BMS1: variants seen among roughly 807,000 people sequenced by gnomAD.
The protein encoded by BMS1 is BMS1 ribosome biogenesis factor.
A neutral mutation model predicts 138.7 loss-of-function variants in BMS1; 53 were observed. The observed-to-expected ratio is 0.38, with a 90% CI of 0.31 to 0.48. The LOEUF (loss-of-function observed/expected upper bound fraction) is 0.48, where lower values mean the gene tolerates loss of function less well. Ranked by LOEUF, BMS1 falls within the 20% of genes least tolerant of loss-of-function variation. The pLI, the probability that BMS1 is intolerant of heterozygous loss-of-function variation, is 0.97. For missense variants in BMS1, 1,360 were observed against 1,565.5 expected, an observed-to-expected ratio of 0.87 and a Z score of 2.22; for synonymous variants, 504 against 539.9, an observed-to-expected ratio of 0.93 and a Z score of 0.92.
At chr10:42,807,229 A>G (rs1227095962) in intron 13 of BMS1, among the ~76,000 whole-genome samples, 2 of 152,236 alleles carry the variant, frequency 1.3e-5, no homozygotes, top group African/African-American at 2.4e-5. Context: ...CTTGTGAACC[A>G]TAATGTGTTT....
chr10:42,798,526 T>C lies in BMS1; in HGVS notation c.2148T>C (p.Phe716=). ...CTCTAGAAGAGCTTGGAGGGTTGTT[T>C]CGTGTCAACCAGCCTGACAGAGAGT... is the stretch of plus-strand genomic sequence containing the variant. ...DDTLEELGGL[F]RVNQPDRECK... Residue 716 remains phenylalanine (F), a synonymous_variant, in exon 12 of 23, where the codon TTT becomes TTC. Transcript: ENST00000374518. 6.2e-7 allele frequency: 1 copy of C among 1,614,274 alleles called. No individual in the cohort carries two copies. Among genetic ancestry groups the C allele is most frequent in the Non-Finnish European group, 8.5e-7 (1 of 1,180,054 alleles).
In BMS1 at chr10:42,796,765, C is replaced by T. The variant is rs982289744; in HGVS notation, c.1521C>T (p.Asp507=). Residue 507 remains aspartate, a synonymous_variant, in exon 10 of 23, where the codon GAC becomes GAT. Transcript: ENST00000374518. The part of the protein sequence containing the change: ...DLPAFADSDD[D]LERSSAEEGE... ...CAGCATTTGCTGACAGTGACGATGA[C>T]CTTGAGAGGAGCTCAGCGGAAGAAG... The T allele has an allele frequency of 6.2e-7, 1 of 1,614,090 alleles. No homozygotes were observed. The highest frequency in any genetic ancestry group is 2.2e-5 in the East Asian group (1 of 44,880).
At chr10:42,824,856 T>TTG in intron 21 of BMS1, among the ~76,000 whole-genome samples, 1 of 152,336 alleles carries the variant, frequency 6.6e-6, no homozygotes, top group East Asian at 1.9e-4. Context: ...TTTTTTTGTT[T>TTG]TTATGCCAGC....
rs144403555 is a variant in BMS1, at chr10:42,830,350, C to T, written c.3546C>T (p.Thr1182=). 5.7e-5 allele frequency: 92 copies of T among 1,613,972 alleles called. No homozygotes were observed. In the African/African-American group the frequency reaches 1.1e-3, roughly 18 times the overall value. The change falls in exon 22 of 23, where the codon ACC becomes ACT. Residue 1182 remains threonine (T), a synonymous_variant. Transcript: ENST00000374518. The stretch of plus-strand genomic sequence containing the variant: ...TGCCATTTAAGAACAAGCCCAAGAC[C>T]CAAGCAAAGGCAGGCAAGGTGCCAA... The part of the protein sequence containing the change: ...KALPFKNKPK[T]QAKAGKVPKD...
At chr10:42,811,594 G>A (rs1219486897) in intron 13 of BMS1, among the ~76,000 whole-genome samples, 8 of 123,216 alleles carry the variant, frequency 6.5e-5, no homozygotes, top group Non-Finnish European at 8.0e-5. Flanking sequence ...GCGGGATCTC[G>A]GCTCACTGCA....
At chr10:42,821,542 C>CTTTTTTTTTTTTTTTTTTTTTTT (rs34272995) in intron 18 of BMS1, among the ~76,000 whole-genome samples, 1 of 68,594 alleles carries the variant, frequency 1.5e-5, no homozygotes. Flanking sequence ...CTCAAGGCGC[C>CTTTTTTTTTTTTTTTTTTTTTTT]TTTTTTTTTT....
At chr10:42,816,738 T>C (rs1271415480) in intron 14 of BMS1, 66 bp downstream of exon 14, 8 of 1,332,860 alleles carry the variant, frequency 6.0e-6, no homozygotes, top group Non-Finnish European at 8.4e-6. Context: ...CATTGAGAAA[T>C]GCAAATCTTA....
At chr10:42,814,664 G>A (rs891215584) in intron 13 of BMS1, among the ~76,000 whole-genome samples, 2 of 152,148 alleles carry the variant, frequency 1.3e-5, no homozygotes, top group Non-Finnish European at 2.9e-5. Context: ...GATTCCAATG[G>A]CAATTTAATT....
chr10:42,830,804 T>C, intron 22 of BMS1, 62 bp from the exon 23 acceptor site: 2 of 1,414,278 alleles, frequency 1.4e-6, no homozygotes, highest in South Asian at 2.7e-5. Context: ...TCTTAGTGCT[T>C]AGGATGCGAG....
At chr10:42,821,385 A>C (rs1049073494) in intron 18 of BMS1, among the ~76,000 whole-genome samples, 1 of 151,960 alleles carries the variant, frequency 6.6e-6, no homozygotes, top group Non-Finnish European at 1.5e-5. Context: ...ACAGAGAAGA[A>C]AGCAGAATAA....
chr10:42,832,923 T>A lies in BMS1; in HGVS notation c.*1827T>A, dbSNP rs1842825431. 1 of 152,230 alleles carries A rather than the reference T, an allele frequency of 6.6e-6. No individual in the cohort carries two copies. Among genetic ancestry groups the A allele is most frequent in the African/African-American group, 2.4e-5 (1 of 41,472 alleles). 9.4% of individuals were successfully genotyped at this position (152,230 alleles called of 1,614,324 possible). ...ATTGATATATTTTAAAATGCAAAACTATAATTCAACTAAAATATACAAGGC... is the reference window on the plus strand; with the variant it reads ...ATTGATATATTTTAAAATGCAAAACAATAATTCAACTAAAATATACAAGGC... On this transcript the variant is annotated 3_prime_UTR_variant, in exon 23 of 23. Coordinates refer to ENST00000374518, the MANE Select transcript of BMS1 (RefSeq NM_014753.4).
intron 19 of BMS1, 47 bp from the exon 20 acceptor site, chr10:42,823,071 A>T: frequency 1.4e-6 from 2 of 1,404,204 alleles, no homozygotes; most frequent in South Asian, 3.8e-5. Flanking sequence ...TAAAGCATAA[A>T]GTATATGATT....
At chr10:42,808,433 G>A (rs909298795) in intron 13 of BMS1, among the ~76,000 whole-genome samples, 3 of 151,554 alleles carry the variant, frequency 2.0e-5, no homozygotes, top group Admixed American at 1.3e-4. Context: ...CGAGTAGCTG[G>A]GACTACAGGC....
At position 42,821,362 on chromosome 10, in the gene BMS1, T is replaced by C. The variant is rs569195821; in HGVS notation, c.3009+370T>C. 9.9e-5 allele frequency among the ~76,000 whole-genome samples: 15 copies of C among 152,156 alleles called. No individual in the cohort carries two copies. In the South Asian group the frequency reaches 3.1e-3, roughly 32 times the overall value. Reference sequence around the variant, plus strand: ...GACCAGTCAGGCAGGGCAGGGTTTATTGGTCCCATTTAACAGAGAAGAAAG... The same window carrying C: ...GACCAGTCAGGCAGGGCAGGGTTTACTGGTCCCATTTAACAGAGAAGAAAG... On this transcript the variant is annotated intron_variant, in intron 18 of 22. Transcript: ENST00000374518.
chr10:42,830,209 A>G (rs2132399210), intron 21 of BMS1, 52 bp from the exon 22 acceptor site: 5 of 1,589,964 alleles, frequency 3.1e-6, no homozygotes, highest in Non-Finnish European at 4.3e-6. Context: ...GAAGTTTTAA[A>G]TGCACATTGA....
chr10:42,790,566 T>C, intron 5 of BMS1, 55 bp downstream of exon 5: 1 of 1,580,352 alleles, frequency 6.3e-7, no homozygotes, highest in Non-Finnish European at 8.6e-7. Context: ...TAAAATAGAC[T>C]GAAGAGGCCG....
rs3834411 is a variant in BMS1 at position 42,834,396 on chromosome 10, GA to G, written c.*3305del. 0.47 allele frequency: 71,023 copies of G among 151,222 alleles called. 17,345 individuals are homozygous for G. Among genetic ancestry groups the G allele is most frequent in the East Asian group, 0.63 (3,233 of 5,136 alleles). The allele number at this position is 151,222 out of a possible 1,614,324, so 9.4% of individuals were successfully genotyped here. On this transcript the variant is annotated 3_prime_UTR_variant, in exon 23 of 23. Transcript: ENST00000374518. ...GCTCCAGAGCTTACCTCGCTGATGG[GA>G]AAAAGAGCATCGATTTAATTGCCCT...
intron 22 of BMS1, 134 bp from the exon 23 acceptor site, chr10:42,830,732 T>G: frequency 1.2e-6 from 1 of 831,384 alleles, no homozygotes; most frequent in South Asian, 1.8e-5. Context: ...CAACAATGAC[T>G]TCCTAGCACA....
chr10:42,785,062 A>C (rs932199049), intron 2 of BMS1, among the ~76,000 whole-genome samples: 7 of 152,216 alleles, frequency 4.6e-5, no homozygotes, highest in African/African-American at 1.7e-4. Flanking sequence ...CAAGAAAACA[A>C]GTTACCTCCA....
Sources: gnomAD v4.1 joint callset for allele counts (sites outside exome capture counted in the v4.1 genomes callset) on GRCh38, gnomAD v4.1.1 for gene constraint, MANE v1.5 for transcripts, NCBI Gene and HGNC (gene_info 2026-07-23, HGNC 2026-07-21) for gene names.